The following UBE2D3 variants were observed in gnomAD, a reference collection of about 807,000 sequenced individuals.
UBE2D3 encodes ubiquitin conjugating enzyme E2 D3, also known as ubiquitin-conjugating enzyme E2 D3.
UBE2D3 carries 2 observed loss-of-function variants against 22.8 expected under a neutral mutation model. The ratio of observed to expected loss-of-function variants is 0.09; its 90% CI spans 0.04 to 0.28. The LOEUF (loss-of-function observed/expected upper bound fraction) is 0.28. UBE2D3 is among the 10% of genes least tolerant of loss of function. The pLI, the probability that UBE2D3 is intolerant of heterozygous loss-of-function variation, is 1.00. For missense variants in UBE2D3, 27 were observed against 182.5 expected (o/e 0.15, Z 4.91); for synonymous variants, 56 against 60.4 (o/e 0.93, Z 0.34).
intron 1 of UBE2D3, among the ~76,000 whole-genome samples, chr4:102,857,780 G>A (rs1250244440): frequency 6.6e-6 from 1 of 152,110 alleles, no homozygotes; most frequent in Non-Finnish European, 1.5e-5. Flanking sequence ...TACAACCTCT[G>A]CCTCCCGGGT....
At chr4:102,814,457 CTTTTT>C (rs574701413) in intron 2 of UBE2D3, among the ~76,000 whole-genome samples, 6 of 119,140 alleles carry the variant, frequency 5.0e-5, no homozygotes, top group South Asian at 2.7e-4. Flanking sequence ...CCTGGCTATT[CTTTTT>C]TTTTTTTTTT....
intron 7 of UBE2D3, chr4:102,798,832 T>G (rs188941230): frequency 8.7e-7 from 1 of 1,144,756 alleles, no homozygotes; most frequent in African/African-American, 1.6e-5. Flanking sequence ...GCCATATTTG[T>G]TACCTTTTGT....
chr4:102,809,740 G>C, intron 3 of UBE2D3, 37 bp from the exon 4 acceptor site: 2 of 1,613,084 alleles, frequency 1.2e-6, no homozygotes, highest in Non-Finnish European at 1.7e-6. Flanking sequence ...ATCTAAAAAT[G>C]CACAAGCTTA....
At chr4:102,844,721 TA>T (rs1403923783) in intron 1 of UBE2D3, among the ~76,000 whole-genome samples, 4 of 151,974 alleles carry the variant, frequency 2.6e-5, no homozygotes, top group Non-Finnish European at 5.9e-5. Context: ...GACAGTGCCT[TA>T]AGAATTCTAG....
chr4:102,868,573 T>G, intron 1 of UBE2D3: 1 of 994,320 alleles, frequency 1.0e-6, no homozygotes, highest in African/African-American at 1.6e-5. Context: ...GGCCTTTGGG[T>G]GAAGGAGTAA....
At chr4:102,821,306 TA>T (rs1420231294) in intron 2 of UBE2D3, among the ~76,000 whole-genome samples, 1 of 152,170 alleles carries the variant, frequency 6.6e-6, no homozygotes, top group Non-Finnish European at 1.5e-5. Context: ...AAATTTATTT[TA>T]AATACCTCCC....
chr4:102,827,381 G>A (rs1209762130), intron 1 of UBE2D3, 46 bp downstream of exon 1: 2 of 985,924 alleles, frequency 2.0e-6, no homozygotes, highest in Non-Finnish European at 2.4e-6. Context: ...GCCGGCCACT[G>A]GGCCGGCCTC....
intron 2 of UBE2D3, among the ~76,000 whole-genome samples, chr4:102,820,487 T>C (rs1323608908): frequency 6.6e-6 from 1 of 152,224 alleles, no homozygotes; most frequent in African/African-American, 2.4e-5. Context: ...TGACAAGGTA[T>C]TAACTTCCTG....
chr4:102,799,099 AT>A, intron 7 of UBE2D3: 1 of 1,120,348 alleles, frequency 8.9e-7, no homozygotes, highest in Non-Finnish European at 1.3e-6. Context: ...TAGTACTAAC[AT>A]TTTTGGAAAA....
chr4:102,804,675 TTG>T (rs1490818002), intron 4 of UBE2D3, among the ~76,000 whole-genome samples: 1 of 151,992 alleles, frequency 6.6e-6, no homozygotes, highest in Admixed American at 6.6e-5. Context: ...AACACTAAAG[TTG>T]TTTTTGTTTT....
chr4:102,840,556 A>C (rs1397462891), intron 1 of UBE2D3, among the ~76,000 whole-genome samples: 3 of 152,154 alleles, frequency 2.0e-5, no homozygotes, highest in African/African-American at 2.4e-5. Context: ...TGGTTACCAG[A>C]AGCTGGGAAA....
chr4:102,811,013 A>G (rs1325421447), intron 2 of UBE2D3: 1 of 152,178 alleles, frequency 6.6e-6, no homozygotes, highest in Non-Finnish European at 1.5e-5. Flanking sequence ...TCTCATATAA[A>G]CACGGAAATA....
chr4:102,817,086 G>A (rs223403), intron 2 of UBE2D3, among the ~76,000 whole-genome samples: 87,417 of 152,032 alleles, frequency 0.57, 26,420 homozygotes, highest in African/African-American at 0.78. Flanking sequence ...AACAAGGAGT[G>A]AGAGAAGCAT....
At chr4:102,828,155 G>C, upstream of UBE2D3, 1 of 985,488 alleles carries the variant, frequency 1.0e-6, no homozygotes, top group Non-Finnish European at 1.2e-6. Flanking sequence ...TATGCCGGTG[G>C]TTGGTAGAGG....
intron 2 of UBE2D3, among the ~76,000 whole-genome samples, chr4:102,818,641 T>C (rs1247608649): frequency 1.3e-5 from 2 of 152,150 alleles, no homozygotes; most frequent in African/African-American, 2.4e-5. Flanking sequence ...GGGCAGGATT[T>C]TTTTCACCAA....
rs757413845 is a variant in UBE2D3 at position 102,868,771 on chromosome 4, AG to A, written c.-186del. 1.3e-5 allele frequency: 21 copies of A among 1,614,040 alleles called. No homozygotes were observed. The East Asian group carries it at 4.5e-4, about 34-fold the overall frequency. ...CTCACATGCTTATCTCATCGCACACAGTATCCTTTCTGCTGGTCTCCAGCAT... is the reference window on the plus strand; with the variant it reads ...CTCACATGCTTATCTCATCGCACACATATCCTTTCTGCTGGTCTCCAGCAT... On this transcript the variant is annotated 5_prime_UTR_variant, in exon 1 of 8. Transcript: ENST00000338145.
intron 1 of UBE2D3, chr4:102,837,019 A>T (rs1406560395): frequency 6.6e-6 from 1 of 152,246 alleles, no homozygotes; most frequent in South Asian, 2.1e-4. Context: ...TTCACTATAT[A>T]AATCTGAGTA....
intron 1 of UBE2D3, among the ~76,000 whole-genome samples, chr4:102,837,793 T>C (rs1228596445): frequency 1.3e-5 from 2 of 152,088 alleles, no homozygotes; most frequent in African/African-American, 4.8e-5. Flanking sequence ...CTACTAAAAA[T>C]ACAAAAAAAT....
intron 2 of UBE2D3, among the ~76,000 whole-genome samples, chr4:102,819,023 G>A (rs1343758262): frequency 6.6e-6 from 1 of 152,122 alleles, no homozygotes; most frequent in Non-Finnish European, 1.5e-5. Context: ...AGGATGCTAG[G>A]AGAAACATAA....
Sources: gnomAD v4.1 joint callset for allele counts (sites outside exome capture counted in the v4.1 genomes callset) on GRCh38, gnomAD v4.1.1 for gene constraint, MANE v1.5 for transcripts, NCBI Gene and HGNC (gene_info 2026-07-23, HGNC 2026-07-21) for gene names.